Variants in COL5A1 observed in about 807,000 individuals in gnomAD.
COL5A1 encodes the protein collagen alpha-1(V) chain.
COL5A1 carries 16 observed loss-of-function variants against 263.7 expected under a neutral mutation model. The observed-to-expected ratio is 0.06, with a 90% CI of 0.04 to 0.09. The LOEUF (loss-of-function observed/expected upper bound fraction) is 0.09. Ranked by LOEUF, COL5A1 falls within the 10% of genes least tolerant of loss-of-function variation. COL5A1 has a pLI of 1.00. For synonymous variants in COL5A1, 1,012 were observed against 1,004.5 expected (o/e 1.01, Z -0.14); for missense variants, 2,036 against 2,540.5 (o/e 0.80, Z 4.27).
chr9:134,690,538 C>G (rs1564390060), intron 1 of COL5A1, among the ~76,000 whole-genome samples: 1 of 152,206 alleles, frequency 6.6e-6, no homozygotes, highest in East Asian at 1.9e-4. Flanking sequence ...GTCTGGGAGG[C>G]TGGGTGTGTG....
At chr9:134,715,878 C>T (rs1214791051) in intron 4 of COL5A1, among the ~76,000 whole-genome samples, 1 of 152,072 alleles carries the variant, frequency 6.6e-6, no homozygotes. Flanking sequence ...AGTCTGATCT[C>T]TCTTTCTTTT....
intron 25 of COL5A1, among the ~76,000 whole-genome samples, chr9:134,771,190 G>A (rs907359605): frequency 6.6e-6 from 1 of 152,262 alleles, no homozygotes; most frequent in Non-Finnish European, 1.5e-5. Flanking sequence ...GGTCTGCCCG[G>A]TCCAGAGCCG....
chr9:134,741,023 A>C lies in COL5A1; in HGVS notation c.1494+2215A>C, dbSNP rs10120176. On this transcript the variant is annotated intron_variant, in intron 11 of 65. Coordinates refer to ENST00000371817, the MANE Select transcript of COL5A1 (RefSeq NM_000093.5). The surrounding 1 kb of genome is among the most constrained non-coding windows in gnomAD (Gnocchi z 4.5). ...TGCTGGTTCCAGGAGCTGAGAGCTG[A>C]CCACCCCTCTGGGTCCAGCTCCGGC... 0.28 allele frequency among the ~76,000 whole-genome samples: 42,515 copies of C among 151,988 alleles called. 6,115 individuals carry two copies. The highest frequency in any genetic ancestry group is 0.35 in the East Asian group (1,809 of 5,124).
chr9:134,801,584 C>T lies in COL5A1; in HGVS notation c.2953-370C>T, dbSNP rs182796852. 3.2e-4 allele frequency among the ~76,000 whole-genome samples: 49 copies of T among 152,182 alleles called. No individual in the cohort carries two copies. In the East Asian group the frequency reaches 9.3e-3, roughly 29 times the overall value. ...CAGGTGGATCACGAGGTCAGGAGTT[C>T]GAGGCCAGCCTGACCAACATGGTGA... On this transcript the variant is annotated intron_variant, in intron 37 of 65. Coordinates refer to ENST00000371817, the MANE Select transcript of COL5A1 (RefSeq NM_000093.5).
Position 134,680,915 on chromosome 9 carries a change from C to T in COL5A1, c.110-9997C>T, listed in dbSNP as rs1204653464. The stretch of plus-strand genomic sequence containing the variant: ...GGCTGGGAGTTTGGGCTCAGGTCTC[C>T]AGGTCTCCGCCTGGCACTGCAGCCT... On this transcript the variant is annotated intron_variant, in intron 1 of 65. Coordinates refer to ENST00000371817, the MANE Select transcript of COL5A1 (RefSeq NM_000093.5). This position sits in a 1 kb window ranked among gnomAD's most constrained non-coding sequence, Gnocchi z 5.9. 1.3e-5 allele frequency among the ~76,000 whole-genome samples: 2 copies of T among 152,138 alleles called. No homozygotes were observed. Among genetic ancestry groups the T allele is most frequent in the East Asian group, 1.9e-4 (1 of 5,192 alleles).
At position 134,830,460 on chromosome 9, in the gene COL5A1, A is replaced by G; in HGVS notation, c.5136+416A>G. On this transcript the variant is annotated intron_variant, in intron 64 of 65. Transcript: ENST00000371817. ...CCCAGCCTGAGCTGATCCTCTGCCC[A>G]CAGACGGTGCAGCCCCAGGCACCTG... 7.4e-6 allele frequency: 4 copies of G among 540,704 alleles called. No individual in the cohort carries two copies. The South Asian group carries it at 8.5e-5, about 12-fold the overall frequency. The allele number at this position is 540,704 out of a possible 1,614,324, so 33.5% of individuals were successfully genotyped here.
intron 65 of COL5A1, among the ~76,000 whole-genome samples, chr9:134,840,085 CAG>C (rs1379257510): frequency 1.3e-5 from 2 of 152,286 alleles, no homozygotes; most frequent in Admixed American, 1.3e-4. Flanking sequence ...CCACGCCTAT[CAG>C]AATTGTCTGA....
In COL5A1 at chr9:134,742,828, C is replaced by T. The variant is rs999736818; in HGVS notation, c.1494+4020C>T. 6.6e-5 allele frequency among the ~76,000 whole-genome samples: 10 copies of T among 152,216 alleles called. No homozygotes were observed. The highest frequency in any genetic ancestry group is 1.0e-4 in the Non-Finnish European group (7 of 68,034). ...GATGCCATGGTGGCAGTGCCGTGCC[C>T]CTGTGGGTCGCTGAGCAGTGTTTGC... is the stretch of plus-strand genomic sequence containing the variant. On this transcript the variant is annotated intron_variant, in intron 11 of 65. Coordinates refer to ENST00000371817, the MANE Select transcript of COL5A1 (RefSeq NM_000093.5). The surrounding 1 kb of genome is among the most constrained non-coding windows in gnomAD (Gnocchi z 4.6).
At chr9:134,834,899 C>A in intron 64 of COL5A1, 72 bp from the exon 65 acceptor site, 3 of 1,054,310 alleles carry the variant, frequency 2.8e-6, no homozygotes, top group Non-Finnish European at 1.4e-6. Context: ...AAGCCCAGGG[C>A]AGTGCGGACG....
At chr9:134,808,985 A>G in intron 42 of COL5A1, 198 bp from the exon 43 acceptor site, 2 of 629,310 alleles carry the variant, frequency 3.2e-6, no homozygotes, top group Non-Finnish European at 5.7e-6. Context: ...GAAGCGATGC[A>G]CCAGAAGTTC....
Position 134,844,598 on chromosome 9 carries a change from A to G in COL5A1, c.*2295A>G, listed in dbSNP as rs1307829756. 1 of 152,192 alleles carries G rather than the reference A, an allele frequency of 6.6e-6. No homozygotes were observed. Among genetic ancestry groups the G allele is most frequent in the Non-Finnish European group, 1.5e-5 (1 of 68,040 alleles). The allele number at this position is 152,192 out of a possible 1,614,324, so 9.4% of individuals were successfully genotyped here. On this transcript the variant is annotated 3_prime_UTR_variant, in exon 66 of 66. Transcript: ENST00000371817. ...TCCTCTCAATATATATAATTGGACA[A>G]ACGCTGGCAAAAAGAAAAAAATGGT...
chr9:134,670,728 GT>G (rs1832515070), intron 1 of COL5A1, among the ~76,000 whole-genome samples: 1 of 152,196 alleles, frequency 6.6e-6, no homozygotes, highest in South Asian at 2.1e-4. Flanking sequence ...GTCAGAAAAT[GT>G]AAGGGAATCT....
At chr9:134,811,921 A>G (rs1838539042) in intron 46 of COL5A1, among the ~76,000 whole-genome samples, 1 of 152,220 alleles carries the variant, frequency 6.6e-6, no homozygotes, top group African/African-American at 2.4e-5. Flanking sequence ...TTTCATGGCC[A>G]TGCCTTTTAA....
intron 1 of COL5A1, among the ~76,000 whole-genome samples, chr9:134,644,087 C>T (rs984752740): frequency 3.9e-5 from 6 of 152,050 alleles, no homozygotes; most frequent in Admixed American, 2.0e-4. Flanking sequence ...GGAGAGACCA[C>T]TTTTCTTAGT....
chr9:134,828,012 G>A (rs1012765781), intron 63 of COL5A1, among the ~76,000 whole-genome samples: 2 of 152,160 alleles, frequency 1.3e-5, no homozygotes, highest in African/African-American at 4.8e-5. Flanking sequence ...GAAGAAGGCT[G>A]GGGGGATCAG....
chr9:134,768,774 C>T (rs1380280521), intron 25 of COL5A1, among the ~76,000 whole-genome samples: 1 of 152,240 alleles, frequency 6.6e-6, no homozygotes, highest in Non-Finnish European at 1.5e-5. Context: ...CTGGGCCGGG[C>T]TCCAGGCCAT....
chr9:134,790,170 A>T lies in COL5A1; in HGVS notation c.2700+962A>T, dbSNP rs530879410. On this transcript the variant is annotated intron_variant, in intron 32 of 65. Transcript: ENST00000371817. ...GCCTGTCCCTCCTGGCCAAAACCTT[A>T]TGAGCAAACAAATGTGTTCTGCCAG... 1.9e-3 allele frequency among the ~76,000 whole-genome samples: 297 copies of T among 152,328 alleles called. 3 individuals are homozygous for T. The highest frequency in any genetic ancestry group is 6.9e-3 in the African/African-American group (286 of 41,574).
At chr9:134,685,471 T>C (rs1833022688) in intron 1 of COL5A1, among the ~76,000 whole-genome samples, 3 of 86,584 alleles carry the variant, frequency 3.5e-5, no homozygotes, top group Admixed American at 2.5e-4. Context: ...CATCCATTCA[T>C]CCATCCATCC....
In COL5A1 at chr9:134,752,572, C is replaced by T. The variant is rs774405016; in HGVS notation, c.1663-17C>T. ...CTGCTGGGGCCCTGTCTCAGCGTGT[C>T]TCACTTTCCTTTGCAGTTGGCACTG... On this transcript the variant is annotated splice_polypyrimidine_tract_variant and intron_variant, in intron 13 of 65. Coordinates refer to ENST00000371817, the MANE Select transcript of COL5A1 (RefSeq NM_000093.5). 21 of 1,609,726 alleles carry T rather than the reference C, an allele frequency of 1.3e-5. No individual in the cohort carries two copies. The highest frequency in any genetic ancestry group is 1.8e-5 in the Non-Finnish European group (21 of 1,176,324).
Sources: gnomAD v4.1 joint callset for allele counts (sites outside exome capture counted in the v4.1 genomes callset) on GRCh38, gnomAD v4.1.1 for gene constraint, Gnocchi (gnomAD v3.1) non-coding constraint, MANE v1.5 for transcripts, NCBI Gene and HGNC (gene_info 2026-07-23, HGNC 2026-07-21) for gene names.